The following DYSF variants were observed in gnomAD, a reference collection of about 807,000 sequenced individuals.
DYSF encodes the protein dysferlin, also known as dystrophy-associated fer-1-like 1.
DYSF carries 212 observed loss-of-function variants against 274.9 expected under a neutral mutation model. The observed-to-expected ratio is 0.77, with a 90% CI of 0.69 to 0.86. The LOEUF (loss-of-function observed/expected upper bound fraction) is 0.86. Ranked by LOEUF, DYSF falls within the 40% of genes least tolerant of loss-of-function variation. DYSF has a pLI of 0.00. For synonymous variants in DYSF, 1,091 were observed against 1,078.7 expected (o/e 1.01, Z -0.22); for missense variants, 2,666 against 2,783.2 (o/e 0.96, Z 0.95).
Position 71,656,236 on chromosome 2 carries a change from C to G in DYSF, c.4701C>G (p.Tyr1567Ter), listed in dbSNP as rs770905160. 6.2e-7 allele frequency: 1 copy of G among 1,614,208 alleles called. No individual in the cohort carries two copies. The highest frequency in any genetic ancestry group is 8.5e-7 in the Non-Finnish European group (1 of 1,180,040). Residue 1567 changes from tyrosine to a stop codon, truncating the protein, a stop_gained, in exon 43 of 56, where the codon TAC (tyrosine) becomes TAG (stop). Coordinates refer to ENST00000410020, the MANE Select transcript of DYSF (RefSeq NM_001130987.2). LOFTEE classifies it high-confidence loss of function. ...ACTTTTGTAACACCTTCAAGCTGTA[C>G]CGGGGCAAGACGCAGGAGGAGACAG... is the stretch of plus-strand genomic sequence containing the variant. ...LSDFCNTFKL[Y>*]RGKTQEETED...
At chr2:71,552,777 G>T (rs2091040942) in intron 19 of DYSF, among the ~76,000 whole-genome samples, 1 of 152,252 alleles carries the variant, frequency 6.6e-6, no homozygotes, top group Admixed American at 6.5e-5. Flanking sequence ...CCTTGGAGGA[G>T]TAGCTCTTAT....
At chr2:71,538,910 G>A (rs2089649126) in intron 16 of DYSF, among the ~76,000 whole-genome samples, 1 of 152,224 alleles carries the variant, frequency 6.6e-6, no homozygotes, top group Non-Finnish European at 1.5e-5. Flanking sequence ...TTGGTTGCCT[G>A]ATGGGATGCT....
At chr2:71,516,406 G>C (rs1402226120) in intron 9 of DYSF, among the ~76,000 whole-genome samples, 164 bp downstream of exon 9, 1 of 152,230 alleles carries the variant, frequency 6.6e-6, no homozygotes, top group African/African-American at 2.4e-5. Flanking sequence ...GTGCGTGAGA[G>C]GGAGACGTGT....
In DYSF at chr2:71,570,590, C is replaced by A. The variant is rs185350547; in HGVS notation, c.3086-9C>A. The A allele has an allele frequency of 6.2e-7, 1 of 1,613,282 alleles. No individual in the cohort carries two copies. Among genetic ancestry groups the A allele is most frequent in the Non-Finnish European group, 8.5e-7 (1 of 1,179,700 alleles). ...CCAAGCAATGAGTGACCGGTTCCCC[C>A]TCCCCCAGGCTGGGAGTATAGCATC... is the stretch of plus-strand genomic sequence containing the variant. On this transcript the variant is annotated splice_polypyrimidine_tract_variant and intron_variant, in intron 28 of 55. Coordinates refer to ENST00000410020, the MANE Select transcript of DYSF (RefSeq NM_001130987.2).
At chr2:71,626,742 G>T (rs1016150998) in intron 41 of DYSF, among the ~76,000 whole-genome samples, 3 of 151,834 alleles carry the variant, frequency 2.0e-5, no homozygotes, top group African/African-American at 7.2e-5. Flanking sequence ...TGTGTAAGCC[G>T]TAAGATTGGC....
intron 36 of DYSF, among the ~76,000 whole-genome samples, chr2:71,610,523 T>A (rs1472544209): frequency 6.6e-6 from 1 of 152,222 alleles, no homozygotes; most frequent in Non-Finnish European, 1.5e-5. Flanking sequence ...TTCTTTGTGA[T>A]CATTGAGGAT....
chr2:71,478,341 A>ATG (rs2082573220), intron 1 of DYSF, among the ~76,000 whole-genome samples: 1 of 151,696 alleles, frequency 6.6e-6, no homozygotes, highest in African/African-American at 2.4e-5. Flanking sequence ...CCTCCCGAGC[A>ATG]GCTGGGACTA....
intron 4 of DYSF, among the ~76,000 whole-genome samples, chr2:71,506,688 G>A (rs1451867470): frequency 6.6e-6 from 1 of 152,162 alleles, no homozygotes; most frequent in Admixed American, 6.5e-5. Flanking sequence ...GTCATGGTGA[G>A]GGTACAAGGT....
intron 23 of DYSF, 83 bp from the exon 24 acceptor site, chr2:71,563,975 G>C: frequency 6.3e-7 from 1 of 1,582,834 alleles, no homozygotes; most frequent in South Asian, 1.1e-5. Context: ...TGGCCTCTGA[G>C]TCAGAGGTCA....
rs373173541 is a variant in DYSF, at chr2:71,561,058, C to T, written c.2217-694C>T. Among the ~76,000 whole-genome samples the T allele has an allele frequency of 3.3e-4, 50 of 152,268 alleles. No individual in the cohort carries two copies. In the South Asian group the frequency reaches 6.6e-3, roughly 20 times the overall value. On this transcript the variant is annotated intron_variant, in intron 22 of 55. Coordinates refer to ENST00000410020, the MANE Select transcript of DYSF (RefSeq NM_001130987.2). ...GGCGCCTCCGTGGGATGGGGGAGGTCAGAGTTCTTTGCCTCTAAACAGGAT... is the reference window on the plus strand; with the variant it reads ...GGCGCCTCCGTGGGATGGGGGAGGTTAGAGTTCTTTGCCTCTAAACAGGAT...
intron 7 of DYSF, 151 bp downstream of exon 7, chr2:71,514,072 G>A: frequency 5.6e-6 from 5 of 895,488 alleles, no homozygotes; most frequent in Non-Finnish European, 9.0e-6. Context: ...CCCTGGGCCT[G>A]GGCAGATGCC....
intron 43 of DYSF, 79 bp downstream of exon 43, chr2:71,656,369 T>C (rs2094770575): frequency 1.9e-6 from 3 of 1,589,248 alleles, no homozygotes; most frequent in East Asian, 4.5e-5. Context: ...GGAGGGGTCG[T>C]ACCTACACTG....
rs2095073388 is a variant in DYSF, at chr2:71,669,199, T to C, written c.5634T>C (p.Tyr1878=). ...CGGGGGAGAAGATGAGCGACATTTATGTGAAAGGGTAGGGAGCCAGCGTCC... is the reference window on the plus strand; with the variant it reads ...CGGGGGAGAAGATGAGCGACATTTACGTGAAAGGGTAGGGAGCCAGCGTCC... The part of the protein sequence containing the change: ...SLTGEKMSDI[Y]VKGWMIGFEE... Residue 1878 remains tyrosine (Y), a synonymous_variant, in exon 50 of 56, where the codon TAT becomes TAC. Coordinates refer to ENST00000410020, the MANE Select transcript of DYSF (RefSeq NM_001130987.2). The C allele has an allele frequency of 6.2e-6, 10 of 1,606,210 alleles. No homozygotes were observed. Among genetic ancestry groups the C allele is most frequent in the South Asian group, 1.1e-5 (1 of 89,022 alleles).
chr2:71,580,246 C>T (rs949295633), intron 30 of DYSF, among the ~76,000 whole-genome samples: 2 of 152,236 alleles, frequency 1.3e-5, no homozygotes, highest in Non-Finnish European at 2.9e-5. Context: ...GGAGCTGGCC[C>T]CCCGGCCCCA....
At chr2:71,657,965 T>C (rs2094804227) in intron 43 of DYSF, among the ~76,000 whole-genome samples, 1 of 152,246 alleles carries the variant, frequency 6.6e-6, no homozygotes, top group South Asian at 2.1e-4. Flanking sequence ...TGCAGCTGGC[T>C]TGAATTTCTT....
intron 52 of DYSF, among the ~76,000 whole-genome samples, chr2:71,675,094 A>G (rs1188463220): frequency 2.6e-5 from 4 of 152,114 alleles, no homozygotes; most frequent in Non-Finnish European, 5.9e-5. Flanking sequence ...TGAAATGTCC[A>G]TAATAGGCAA....
At chr2:71,602,753 C>T in intron 35 of DYSF, 23 bp from the exon 36 acceptor site, 2 of 1,612,194 alleles carry the variant, frequency 1.2e-6, no homozygotes, top group Non-Finnish European at 8.5e-7. Context: ...CTGGATGTGC[C>T]ACATCCCATG....
At chr2:71,534,636 C>G (rs564342274) in intron 14 of DYSF, among the ~76,000 whole-genome samples, 2 of 152,300 alleles carry the variant, frequency 1.3e-5, no homozygotes, top group Admixed American at 1.3e-4. Flanking sequence ...GGCAAAAGAG[C>G]CTTCTGGGCC....
At chr2:71,649,569 ATATATAAATG>A (rs1403541361) in intron 42 of DYSF, among the ~76,000 whole-genome samples, 23 of 152,170 alleles carry the variant, frequency 1.5e-4, no homozygotes, top group Admixed American at 1.4e-3. Context: ...TATTATCAGA[ATATATAAATG>A]TATATAAATA....
Sources: gnomAD v4.1 joint callset for allele counts (sites outside exome capture counted in the v4.1 genomes callset) on GRCh38, gnomAD v4.1.1 for gene constraint, MANE v1.5 for transcripts, NCBI Gene and HGNC (gene_info 2026-07-23, HGNC 2026-07-21) for gene names.